LRRC20: variants seen among roughly 807,000 people sequenced by gnomAD.
LRRC20 encodes leucine-rich repeat-containing protein 20.
A neutral mutation model predicts 14.4 loss-of-function variants in LRRC20; 11 were observed. The ratio of observed to expected loss-of-function variants is 0.77; its 90% CI spans 0.48 to 1.27. The LOEUF (loss-of-function observed/expected upper bound fraction) is 1.27, where lower values mean the gene tolerates loss of function less well. Ranked by LOEUF, LRRC20 falls within the 50% of genes most tolerant of loss-of-function variation. The pLI is 0.00. For missense variants in LRRC20, 219 were observed against 251.2 expected (o/e 0.87, Z 0.87); for synonymous variants, 121 against 107.3 (o/e 1.13, Z -0.79).
chr10:70,357,664 C>CAAT lies in LRRC20; in HGVS notation c.83-16963_83-16962insATT, dbSNP rs1564638483. 1.5e-3 allele frequency among the ~76,000 whole-genome samples: 227 copies of CAAT among 152,296 alleles called. 1 individual carries two copies. The highest frequency in any genetic ancestry group is 5.1e-3 in the African/African-American group (214 of 41,562). On this transcript the variant is annotated intron_variant, in intron 2 of 4. Transcript: ENST00000446961. ...GGCTCTGGGACTTTCCAAAAAAAAC[C>CAAT]CTCCTTCCTGGCAAGCCAGTAAGGA...
rs544269314 is a variant in LRRC20, at chr10:70,304,202, C to T, written c.401-2694G>A. Among the ~76,000 whole-genome samples, 480 of 152,102 alleles carry T rather than the reference C, an allele frequency of 3.2e-3. 4 individuals carry two copies. The highest frequency in any genetic ancestry group is 5.5e-3 in the Non-Finnish European group (371 of 67,990). On this transcript the variant is annotated intron_variant, in intron 4 of 4. Coordinates refer to ENST00000446961, the MANE Select transcript of LRRC20 (RefSeq NM_001278212.2). ...GCATCCGCTCTTCCCCGATCCAATT[C>T]CGTGAGCAGCCGGATCCCAGAAAAC...
intron 2 of LRRC20, among the ~76,000 whole-genome samples, chr10:70,355,093 T>C (rs1383966855): frequency 1.3e-5 from 2 of 152,202 alleles, no homozygotes; most frequent in African/African-American, 4.8e-5. Flanking sequence ...CCCCCATGAC[T>C]TGAGCTGCCA....
At chr10:70,365,269 A>G (rs547616986) in intron 2 of LRRC20, among the ~76,000 whole-genome samples, 1 of 152,224 alleles carries the variant, frequency 6.6e-6, no homozygotes, top group South Asian at 2.1e-4. Context: ...CATGTTGGTC[A>G]GGCTGGTCTC....
At chr10:70,313,558 G>A (rs1170445615) in intron 4 of LRRC20, among the ~76,000 whole-genome samples, 1 of 152,160 alleles carries the variant, frequency 6.6e-6, no homozygotes, top group Non-Finnish European at 1.5e-5. Context: ...AGCCTCACAA[G>A]CTGTCCTTGA....
intron 2 of LRRC20, among the ~76,000 whole-genome samples, chr10:70,347,591 G>A (rs535118816): frequency 2.9e-4 from 44 of 152,010 alleles, no homozygotes; most frequent in African/African-American, 8.2e-4. Flanking sequence ...AGGCCGAGGC[G>A]GGCAAATCAC....
chr10:70,316,745 G>A (rs1034912443), intron 4 of LRRC20, among the ~76,000 whole-genome samples: 11 of 152,342 alleles, frequency 7.2e-5, no homozygotes, highest in East Asian at 3.9e-4. Flanking sequence ...CCCTCGGTGC[G>A]GCTGCACAGC....
At chr10:70,325,546 C>G (rs767977840) in intron 3 of LRRC20, among the ~76,000 whole-genome samples, 4 of 152,220 alleles carry the variant, frequency 2.6e-5, no homozygotes, top group Non-Finnish European at 5.9e-5. Context: ...CTTACCCACC[C>G]CTGAGCTAGG....
rs1176041532 is a variant in LRRC20, at chr10:70,301,431, C to T, written c.478G>A (p.Val160Met). 2.5e-6 allele frequency: 4 copies of T among 1,613,908 alleles called. No homozygotes were observed. Among genetic ancestry groups the T allele is most frequent in the Non-Finnish European group, 3.4e-6 (4 of 1,180,044 alleles). Residue 160 changes from valine (V) to methionine (M), a missense_variant, in exon 5 of 5, where the codon GTG becomes ATG. Coordinates refer to ENST00000446961, the MANE Select transcript of LRRC20 (RefSeq NM_001278212.2). ...NLRFNPLNAE[V>M]RVIAPPLIKF... ...ATGAGCGGCGGGGCGATCACGCGCA[C>T]CTCGGCGTTGAGTGGGTTGAAGCGG...
rs1411945739 is a variant in LRRC20 at position 70,324,037 on chromosome 10, C to T, written c.233-7G>A. On this transcript the variant is annotated splice_region_variant and splice_polypyrimidine_tract_variant and intron_variant, in intron 3 of 4. Transcript: ENST00000446961. Reference sequence around the variant, plus strand: ...TTCCCCTCCAGGTGGAGCTCTGCCACGTGCAGGGAAGGAGAGAGAACAGGA... The same window carrying T: ...TTCCCCTCCAGGTGGAGCTCTGCCATGTGCAGGGAAGGAGAGAGAACAGGA... 13 of 1,613,522 alleles carry T rather than the reference C, an allele frequency of 8.1e-6. No individual in the cohort carries two copies. The highest frequency in any genetic ancestry group is 2.2e-5 in the East Asian group (1 of 44,878).
At chr10:70,311,933 G>C (rs1439662591) in intron 4 of LRRC20, among the ~76,000 whole-genome samples, 1 of 152,168 alleles carries the variant, frequency 6.6e-6, no homozygotes, top group Admixed American at 6.5e-5. Flanking sequence ...GCTTGCCCCC[G>C]TCTCACTAAT....
intron 2 of LRRC20, among the ~76,000 whole-genome samples, chr10:70,367,156 C>A (rs1025992544): frequency 7.2e-5 from 11 of 151,848 alleles, no homozygotes; most frequent in Non-Finnish European, 1.5e-4. Context: ...GAGACCCCAT[C>A]TCTACAAAAA....
At chr10:70,378,292 T>G (rs1480225477) in intron 1 of LRRC20, among the ~76,000 whole-genome samples, 1 of 152,124 alleles carries the variant, frequency 6.6e-6, no homozygotes, top group African/African-American at 2.4e-5. Flanking sequence ...TCCTCTGAGT[T>G]TCAGTAGCAC....
At chr10:70,355,464 G>C (rs929528392) in intron 2 of LRRC20, among the ~76,000 whole-genome samples, 1 of 152,158 alleles carries the variant, frequency 6.6e-6, no homozygotes, top group Non-Finnish European at 1.5e-5. Flanking sequence ...CATACGTCCA[G>C]AAAGTCCCAC....
In LRRC20 at chr10:70,300,423, T is replaced by C; in HGVS notation, c.*931A>G. On this transcript the variant is annotated 3_prime_UTR_variant, in exon 5 of 5. Transcript: ENST00000446961. ...GGGCTTTGGGCGTTGGCCTGGGAGC[T>C]GGCTGGCTACAAATCCCGTGGTCCA... is the stretch of plus-strand genomic sequence containing the variant. 1 of 985,570 alleles carries C rather than the reference T, an allele frequency of 1.0e-6. No individual in the cohort carries two copies. Among genetic ancestry groups the C allele is most frequent in the Non-Finnish European group, 1.2e-6 (1 of 830,032 alleles). The allele number at this position is 985,570 out of a possible 1,614,324, so 61.1% of individuals were successfully genotyped here.
intron 4 of LRRC20, among the ~76,000 whole-genome samples, chr10:70,307,526 T>C (rs1221698436): frequency 6.6e-6 from 1 of 152,230 alleles, no homozygotes; most frequent in Non-Finnish European, 1.5e-5. Flanking sequence ...TGTTCTCAAA[T>C]TGCTTCTAGA....
intron 4 of LRRC20, among the ~76,000 whole-genome samples, chr10:70,302,961 C>T (rs1359794879): frequency 6.6e-6 from 1 of 151,814 alleles, no homozygotes; most frequent in Non-Finnish European, 1.5e-5. Flanking sequence ...CCGCCCGTCT[C>T]GGCCTCCCAA....
intron 2 of LRRC20, among the ~76,000 whole-genome samples, chr10:70,345,203 A>C (rs1229797535): frequency 6.6e-6 from 1 of 152,216 alleles, no homozygotes; most frequent in Non-Finnish European, 1.5e-5. Context: ...AAATAATGTC[A>C]TAATAAATGC....
At chr10:70,323,292 C>A (rs557568007) in intron 4 of LRRC20, among the ~76,000 whole-genome samples, 2 of 152,274 alleles carry the variant, frequency 1.3e-5, no homozygotes, top group African/African-American at 4.8e-5. Context: ...GGAGAGACCG[C>A]TTCCTGACCT....
chr10:70,312,062 ACCCTGT>A, intron 4 of LRRC20, among the ~76,000 whole-genome samples: 1 of 152,196 alleles, frequency 6.6e-6, no homozygotes, highest in Admixed American at 6.5e-5. Flanking sequence ...CCACAGTGGG[ACCCTGT>A]GAGAAGGAGG....
Sources: allele counts gnomAD v4.1 joint callset (sites outside exome capture counted in the v4.1 genomes callset), GRCh38; gene constraint gnomAD v4.1.1; transcripts MANE v1.5; gene names NCBI Gene and HGNC (gene_info 2026-07-23, HGNC 2026-07-21).